SYNCRIP: variants seen among roughly 807,000 people sequenced by gnomAD.
SYNCRIP encodes synaptotagmin binding cytoplasmic RNA interacting protein.
A neutral mutation model predicts 68.9 loss-of-function variants in SYNCRIP; 9 were observed. That is an observed-to-expected ratio of 0.13 (90% CI 0.08 to 0.23). The LOEUF (loss-of-function observed/expected upper bound fraction) is 0.23, where lower values mean the gene tolerates loss of function less well. Among genes scored for constraint, SYNCRIP ranks in the 10% least tolerant of loss-of-function variants. The pLI, the probability that SYNCRIP is intolerant of heterozygous loss-of-function variation, is 1.00. For synonymous variants in SYNCRIP, 258 were observed against 254.0 expected (o/e 1.02, Z -0.15); for missense variants, 414 against 770.6 (o/e 0.54, Z 5.48).
At chr6:85,633,283 A>AATAC (rs1373301390) in intron 6 of SYNCRIP, among the ~76,000 whole-genome samples, 1 of 149,244 alleles carries the variant, frequency 6.7e-6, no homozygotes, top group East Asian at 2.0e-4. Flanking sequence ...TAAATAAATA[A>AATAC]ATAAATAAAA....
chr6:85,641,178 C>CA (rs1809098056), intron 2 of SYNCRIP, 114 bp downstream of exon 2: 3 of 783,736 alleles, frequency 3.8e-6, no homozygotes, highest in Non-Finnish European at 6.1e-6. Context: ...TCACAACAAG[C>CA]AAAACTCCAG....
In SYNCRIP at chr6:85,615,014, C is replaced by A. The variant is rs758776306; in HGVS notation, c.1614G>T (p.Ala538=). Residue 538 remains alanine (A), a synonymous_variant, in exon 11 of 11, where the codon GCG becomes GCT. Transcript: ENST00000369622. ...GPGSARGVRG[A]RGGAQQQRGR... The stretch of plus-strand genomic sequence containing the variant: ...CTCTTTGTTGTTGGGCACCTCCTCT[C>A]GCACCTCGAACGCCTCTTGCTGATC... 1 of 1,613,866 alleles carries A rather than the reference C, an allele frequency of 6.2e-7. No homozygotes were observed.
At position 85,615,240 on chromosome 6, in the gene SYNCRIP, T is replaced by C. The variant is rs1583241367; in HGVS notation, c.1388A>G (p.Tyr463Cys). The change falls in exon 11 of 11, where the codon TAT becomes TGT. Residue 463 changes from tyrosine to cysteine, a missense_variant. Physicochemically the swap from Tyr to Cys is radical, Grantham distance 194. This residue lies in a region of SYNCRIP where 72 missense variants were observed against 119.8 expected (regional missense o/e 0.60). Coordinates refer to ENST00000369622, the MANE Select transcript of SYNCRIP (RefSeq NM_006372.5). The part of the protein sequence containing the change: ...GYGYPPDYYG[Y>C]EDYYDYYGYD... ...ACCATAATAATCATAATAATCTTCA[T>C]ATCCATAATAATCTGGAGGATATCC... 6.2e-7 allele frequency: 1 copy of C among 1,607,858 alleles called. No individual in the cohort carries two copies.
chr6:85,623,483 G>C lies in SYNCRIP; in HGVS notation c.802+494C>G, dbSNP rs1327784584. 2.1e-5 allele frequency among the ~76,000 whole-genome samples: 3 copies of C among 143,312 alleles called. No individual in the cohort carries two copies. In the East Asian group the frequency reaches 6.6e-4, roughly 32 times the overall value. The allele number at this position is 143,312 out of a possible 152,430, so 94.0% of individuals were successfully genotyped here. A position where few individuals can be genotyped will look rare whatever the true frequency, so the allele number is the denominator to read the frequency against. ...GGAGGCTGAGGCAAGAGAATCCCTT[G>C]AATCTGGGAGGCAGAGGCTGCAGGG... is the stretch of plus-strand genomic sequence containing the variant. On this transcript the variant is annotated intron_variant, in intron 7 of 10. Transcript: ENST00000369622.
chr6:85,636,450 A>AG (rs370918881), intron 6 of SYNCRIP, among the ~76,000 whole-genome samples: 19 of 152,208 alleles, frequency 1.2e-4, no homozygotes, highest in African/African-American at 4.3e-4. Flanking sequence ...CAAAAAAAAA[A>AG]GAAAAGAAAA....
chr6:85,610,066 G>A (rs1184419522), downstream of SYNCRIP: 10 of 151,706 alleles, frequency 6.6e-5, no homozygotes, highest in Admixed American at 5.9e-4. Flanking sequence ...TTGCTTTATA[G>A]GCCACACAAC....
chr6:85,613,535 G>A (rs1047309705), downstream of SYNCRIP, among the ~76,000 whole-genome samples: 2 of 152,096 alleles, frequency 1.3e-5, no homozygotes, highest in African/African-American at 4.8e-5. Context: ...ATTACTGTTA[G>A]AAGTATAGAC....
At chr6:85,625,410 A>G (rs944638875) in intron 6 of SYNCRIP, among the ~76,000 whole-genome samples, 4 of 150,860 alleles carry the variant, frequency 2.7e-5, no homozygotes, top group African/African-American at 7.3e-5. Flanking sequence ...TCTGAGACAG[A>G]GTCTTGCTCT....
chr6:85,631,510 A>C (rs1401962696), intron 6 of SYNCRIP, among the ~76,000 whole-genome samples: 1 of 152,160 alleles, frequency 6.6e-6, no homozygotes, highest in Non-Finnish European at 1.5e-5. Flanking sequence ...GCCAAATATA[A>C]AGGGCAACAG....
At chr6:85,609,833 G>A (rs1031996311), downstream of SYNCRIP, 7 of 151,784 alleles carry the variant, frequency 4.6e-5, no homozygotes, top group East Asian at 1.9e-4. Flanking sequence ...GACTTGACTC[G>A]GATTTAAGAC....
intron 6 of SYNCRIP, among the ~76,000 whole-genome samples, chr6:85,627,036 C>T (rs944767094): frequency 1.3e-5 from 2 of 152,204 alleles, no homozygotes; most frequent in South Asian, 2.1e-4. Flanking sequence ...GAGGCTGAGG[C>T]GGGCGAATTG....
At chr6:85,643,540 G>A (rs1238931272), upstream of SYNCRIP, among the ~76,000 whole-genome samples, 2 of 151,646 alleles carry the variant, frequency 1.3e-5, no homozygotes, top group Non-Finnish European at 3.0e-5. Flanking sequence ...CCTCCAGGCG[G>A]GGCGGGCCGG....
chr6:85,641,985 C>T (rs1385484167), intron 1 of SYNCRIP, among the ~76,000 whole-genome samples: 1 of 152,174 alleles, frequency 6.6e-6, no homozygotes, highest in Non-Finnish European at 1.5e-5. Flanking sequence ...GAGCGGCAGT[C>T]TCACCACTGC....
chr6:85,617,503 CTT>C (rs993652763), intron 10 of SYNCRIP, among the ~76,000 whole-genome samples: 2 of 152,170 alleles, frequency 1.3e-5, no homozygotes, highest in African/African-American at 4.8e-5. Flanking sequence ...AAAACTAACT[CTT>C]TTTGTAGTCT....
chr6:85,623,579 A>AAAAAAAAAAAC (rs1554184894), intron 7 of SYNCRIP, among the ~76,000 whole-genome samples: 8 of 125,868 alleles, frequency 6.4e-5, no homozygotes, highest in Middle Eastern at 4.3e-3. Context: ...AAAAAAAAAA[A>AAAAAAAAAAAC]AAAACACTCT....
Position 85,615,206 on chromosome 6 carries a change from G to A in SYNCRIP, c.1422C>T (p.Tyr474=), listed in dbSNP as rs752098044. 2.5e-6 allele frequency: 4 copies of A among 1,610,116 alleles called. No individual in the cohort carries two copies. The African/African-American group carries it at 5.3e-5, about 22-fold the overall frequency. ...EDYYDYYGYD[Y]HNYRGGYEDP... is the part of the protein sequence containing the mutation. Reference sequence around the variant, plus strand: ...CTTCATATCCACCACGATAGTTATGGTAATCATAACCATAATAATCATAAT... The same window carrying A: ...CTTCATATCCACCACGATAGTTATGATAATCATAACCATAATAATCATAAT... The change falls in exon 11 of 11, where the codon TAC becomes TAT. Residue 474 remains tyrosine, a synonymous_variant. Coordinates refer to ENST00000369622, the MANE Select transcript of SYNCRIP (RefSeq NM_006372.5).
rs1805594571 is a variant in SYNCRIP at position 85,614,949 on chromosome 6, T to C, written c.1679A>G (p.Asn560Ser). 1 of 1,613,880 alleles carries C rather than the reference T, an allele frequency of 6.2e-7. No homozygotes were observed. Among genetic ancestry groups the C allele is most frequent in the African/African-American group, 1.3e-5 (1 of 74,900 alleles). Reference sequence around the variant, plus strand: ...ATCAGCTTTGCGCTTTCCTCCTACATTTCCACCGCGGCCACCCCTCGCACC... The same window carrying C: ...ATCAGCTTTGCGCTTTCCTCCTACACTTCCACCGCGGCCACCCCTCGCACC... Reference protein sequence around the residue: ...VRGARGGRGGNVGGKRKADGY... With the variant: ...VRGARGGRGGSVGGKRKADGY... The change falls in exon 11 of 11, where the codon AAT becomes AGT. Residue 560 changes from asparagine to serine, a missense_variant. Around this residue, in one of 6 missense-constraint regions of SYNCRIP, gnomAD observed 130 missense variants for 149.0 expected, o/e 0.87. Coordinates refer to ENST00000369622, the MANE Select transcript of SYNCRIP (RefSeq NM_006372.5).
At chr6:85,622,009 T>C (rs978245400) in intron 8 of SYNCRIP, among the ~76,000 whole-genome samples, 1 of 148,762 alleles carries the variant, frequency 6.7e-6, no homozygotes, top group Non-Finnish European at 1.5e-5. Flanking sequence ...ACATGGTATT[T>C]CCAGTGCGCA....
At chr6:85,629,038 T>C (rs1490438479) in intron 6 of SYNCRIP, among the ~76,000 whole-genome samples, 2 of 152,190 alleles carry the variant, frequency 1.3e-5, no homozygotes, top group Non-Finnish European at 1.5e-5. Context: ...ATAATCTTCA[T>C]TATTCAGCCA....
Sources: allele counts gnomAD v4.1 joint callset (sites outside exome capture counted in the v4.1 genomes callset), GRCh38; gene constraint gnomAD v4.1.1; regional missense constraint gnomAD v4.1.1; transcripts MANE v1.5; gene names NCBI Gene and HGNC (gene_info 2026-07-23, HGNC 2026-07-21).